The following CMIP variants were observed in gnomAD, a reference collection of about 807,000 sequenced individuals.
CMIP encodes the protein c-Maf inducing protein.
Under a neutral mutation model 97.3 loss-of-function variants are expected in CMIP, and 13 were observed. The ratio of observed to expected loss-of-function variants is 0.13; its 90% confidence interval spans 0.09 to 0.21. CMIP has a LOEUF of 0.21. Ranked by LOEUF, CMIP falls within the 10% of genes least tolerant of loss-of-function variation. The pLI, the probability that CMIP is intolerant of heterozygous loss-of-function variation, is 1.00. For synonymous variants in CMIP, 538 were observed against 436.3 expected (o/e 1.23, Z -2.91); for missense variants, 847 against 1,024.9 (o/e 0.83, Z 2.37).
chr16:81,473,542 G>T (rs1411267564), intron 1 of CMIP, among the ~76,000 whole-genome samples: 1 of 151,296 alleles, frequency 6.6e-6, no homozygotes, highest in African/African-American at 2.4e-5. Flanking sequence ...GTTGTAGTGG[G>T]TAAGAATTAG....
At chr16:81,674,837 C>T (rs11639612) in intron 9 of CMIP, among the ~76,000 whole-genome samples, 33,176 of 151,114 alleles carry the variant, frequency 0.22, 3,759 homozygotes, top group Middle Eastern at 0.26. Context: ...CTGCCCGCCT[C>T]GGCTTCCCAA....
intron 1 of CMIP, among the ~76,000 whole-genome samples, chr16:81,587,867 C>T (rs2091407568): frequency 6.6e-6 from 1 of 152,196 alleles, no homozygotes; most frequent in Non-Finnish European, 1.5e-5. Context: ...TGGCCAGGTC[C>T]GTGTGTGGAC....
At chr16:81,592,433 A>G (rs1434649667) in intron 1 of CMIP, among the ~76,000 whole-genome samples, 1 of 152,196 alleles carries the variant, frequency 6.6e-6, no homozygotes, top group Non-Finnish European at 1.5e-5. Flanking sequence ...GCCGGCTCAA[A>G]GGCCACCTCT....
At chr16:81,626,638 TGA>T in intron 3 of CMIP, among the ~76,000 whole-genome samples, 1 of 144,728 alleles carries the variant, frequency 6.9e-6, no homozygotes. Flanking sequence ...GGGTGGCTTA[TGA>T]GTGTGTGTGT....
chr16:81,625,252 A>G (rs997021157), intron 3 of CMIP, among the ~76,000 whole-genome samples: 3 of 151,874 alleles, frequency 2.0e-5, no homozygotes, highest in Non-Finnish European at 2.9e-5. Flanking sequence ...TGGCTGCTCC[A>G]CCTCCCAGCA....
intron 3 of CMIP, among the ~76,000 whole-genome samples, chr16:81,626,214 TGCGC>T (rs1204493202): frequency 6.6e-6 from 1 of 151,802 alleles, no homozygotes; most frequent in Non-Finnish European, 1.5e-5. Context: ...TGAGTGTGTG[TGCGC>T]GTGAGAATGT....
chr16:81,571,508 C>G (rs566112311), intron 1 of CMIP, among the ~76,000 whole-genome samples: 7 of 140,610 alleles, frequency 5.0e-5, no homozygotes, highest in African/African-American at 1.9e-4. Context: ...CATCTGTAAT[C>G]TCAGCATTTT....
chr16:81,451,450 G>T (rs1341779157), intron 1 of CMIP, among the ~76,000 whole-genome samples: 1 of 152,188 alleles, frequency 6.6e-6, no homozygotes, highest in Non-Finnish European at 1.5e-5. Context: ...TATCAGCAGC[G>T]TGGGAACGGA....
At chr16:81,566,821 T>C (rs1489703430) in intron 1 of CMIP, among the ~76,000 whole-genome samples, 1 of 152,142 alleles carries the variant, frequency 6.6e-6, no homozygotes, top group Non-Finnish European at 1.5e-5. Context: ...TACACAGCAA[T>C]GAAAAATAAA....
intron 1 of CMIP, among the ~76,000 whole-genome samples, chr16:81,475,224 A>G (rs775432170): frequency 1.3e-5 from 2 of 152,220 alleles, no homozygotes; most frequent in Admixed American, 1.3e-4. Flanking sequence ...GCTTTCAGAT[A>G]AAGTTGACAT....
intron 1 of CMIP, among the ~76,000 whole-genome samples, chr16:81,548,516 C>T (rs1460425955): frequency 6.6e-6 from 1 of 152,016 alleles, no homozygotes; most frequent in Non-Finnish European, 1.5e-5. Flanking sequence ...TAGATGCCCA[C>T]AGCACCCTTC....
At chr16:81,635,732 GT>G (rs1242603434) in intron 3 of CMIP, among the ~76,000 whole-genome samples, 1 of 152,172 alleles carries the variant, frequency 6.6e-6, no homozygotes, top group East Asian at 1.9e-4. Flanking sequence ...CCCAGCACCT[GT>G]TTTTATAAAT....
At chr16:81,690,319 CTT>C (rs1905912948) in intron 10 of CMIP, among the ~76,000 whole-genome samples, 1 of 152,214 alleles carries the variant, frequency 6.6e-6, no homozygotes, top group Admixed American at 6.5e-5. Flanking sequence ...TTTGTGTCCT[CTT>C]TTATTTCATT....
intron 10 of CMIP, among the ~76,000 whole-genome samples, chr16:81,687,046 G>A (rs1383073335): frequency 6.6e-6 from 1 of 152,212 alleles, no homozygotes; most frequent in Non-Finnish European, 1.5e-5. Flanking sequence ...AGCCAGGATC[G>A]AAGTCAGCAT....
intron 1 of CMIP, among the ~76,000 whole-genome samples, chr16:81,537,080 G>T (rs1204417346): frequency 1.3e-5 from 2 of 152,194 alleles, no homozygotes; most frequent in Non-Finnish European, 2.9e-5. Context: ...GTGACTTTAA[G>T]AGTAAGTTGC....
At chr16:81,470,886 A>C (rs1907486985) in intron 1 of CMIP, among the ~76,000 whole-genome samples, 1 of 152,268 alleles carries the variant, frequency 6.6e-6, no homozygotes, top group Non-Finnish European at 1.5e-5. Context: ...TCAGTACAAA[A>C]AGAAATCCTT....
intron 1 of CMIP, among the ~76,000 whole-genome samples, chr16:81,589,516 G>A (rs1445025315): frequency 2.0e-5 from 3 of 149,382 alleles, no homozygotes; most frequent in Non-Finnish European, 4.4e-5. Flanking sequence ...TATGGCGAGT[G>A]CTTATGGGCA....
At chr16:81,484,809 G>T (rs1010112810) in intron 1 of CMIP, among the ~76,000 whole-genome samples, 1 of 152,118 alleles carries the variant, frequency 6.6e-6, no homozygotes, top group African/African-American at 2.4e-5. Context: ...GCCTGCCCGG[G>T]TGTCCTCATT....
At chr16:81,558,013 C>G (rs1350071817) in intron 1 of CMIP, among the ~76,000 whole-genome samples, 3 of 152,194 alleles carry the variant, frequency 2.0e-5, no homozygotes, top group African/African-American at 7.2e-5. Flanking sequence ...TTTGACTGCT[C>G]TAAGTACTTC....
Sources: gnomAD v4.1 joint callset for allele counts (sites outside exome capture counted in the v4.1 genomes callset) on GRCh38, gnomAD v4.1.1 for gene constraint, MANE v1.5 for transcripts, NCBI Gene and HGNC (gene_info 2026-07-23, HGNC 2026-07-21) for gene names.